Variants in COL6A3 observed in about 807,000 individuals in gnomAD.
COL6A3 encodes the protein collagen alpha-3(VI) chain.
A neutral mutation model predicts 274.1 loss-of-function variants in COL6A3; 137 were observed. That is an observed-to-expected ratio of 0.50 (90% CI 0.44 to 0.58). The LOEUF is 0.58. Ranked by LOEUF, COL6A3 falls within the 20% of genes least tolerant of loss-of-function variation. COL6A3 has a pLI of 0.00. For synonymous variants in COL6A3, 1,650 were observed against 1,650.6 expected (o/e 1.00, Z 0.01); for missense variants, 3,950 against 4,124.9 (o/e 0.96, Z 1.16).
chr2:237,364,258 G>A lies in COL6A3; in HGVS notation c.5917+92C>T, dbSNP rs117702320. 9,419 of 992,032 alleles carry A rather than the reference G, an allele frequency of 9.5e-3. 170 individuals are homozygous for A. The highest frequency in any genetic ancestry group is 0.041 in the South Asian group (3,181 of 78,330). The allele number at this position is 992,032 out of a possible 1,614,324, so 61.5% of individuals were successfully genotyped here. On this transcript the variant is annotated intron_variant, in intron 13 of 43. Transcript: ENST00000295550. This position sits in a 1 kb window ranked among gnomAD's most constrained non-coding sequence, Gnocchi z 4.6. ...CAAGACAACGCTGCTCCCTTGGGGCGCTGCATTAGCAGAGAGGTTTCTCTC... is the reference window on the plus strand; with the variant it reads ...CAAGACAACGCTGCTCCCTTGGGGCACTGCATTAGCAGAGAGGTTTCTCTC...
At chr2:237,389,225 G>A (rs544668465) in intron 3 of COL6A3, among the ~76,000 whole-genome samples, 2 of 152,124 alleles carry the variant, frequency 1.3e-5, no homozygotes, top group Admixed American at 6.6e-5. Context: ...AATAGGGATC[G>A]AGAAATCTAA....
chr2:237,330,417 G>T (rs1430571658), intron 42 of COL6A3, among the ~76,000 whole-genome samples: 1 of 152,208 alleles, frequency 6.6e-6, no homozygotes, highest in South Asian at 2.1e-4. Flanking sequence ...CAGAAAAGTG[G>T]CTGGAGCATA....
At chr2:237,340,340 T>G in intron 38 of COL6A3, 112 bp downstream of exon 38, 1 of 1,025,682 alleles carries the variant, frequency 9.7e-7, no homozygotes, top group Non-Finnish European at 1.5e-6. Flanking sequence ...GTTCAATGAA[T>G]GAAACAGTTC....
chr2:237,367,102 G>C lies in COL6A3; in HGVS notation c.5085C>G (p.Asp1695Glu), dbSNP rs886044181. 2.5e-6 allele frequency: 4 copies of C among 1,614,114 alleles called. No homozygotes were observed. The highest frequency in any genetic ancestry group is 1.3e-5 in the African/African-American group (1 of 74,954). The change falls in exon 11 of 44, where the codon GAC becomes GAG. Residue 1695 changes from aspartate to glutamate, a missense_variant. Coordinates refer to ENST00000295550, the MANE Select transcript of COL6A3 (RefSeq NM_004369.4). The stretch of plus-strand genomic sequence containing the variant: ...CAATAATCTGCCTCTTGGTAGAGAA[G>C]TCCTTCAGGAAGAATTCGTCAGTGG... Reference protein sequence around the residue: ...SDPTDEFFLKDFSTKRQIIDA... With the variant: ...SDPTDEFFLKEFSTKRQIIDA...
Position 237,333,430 on chromosome 2 carries a change from C to T in COL6A3, c.9328+20G>A, listed in dbSNP as rs1365144212. On this transcript the variant is annotated intron_variant, in intron 42 of 43. Coordinates refer to ENST00000295550, the MANE Select transcript of COL6A3 (RefSeq NM_004369.4). ...TATTTTCTTAGTGCCATTAATGGAC[C>T]TAATAGTTTCACAACTCACCTGTTT... 3.1e-6 allele frequency: 5 copies of T among 1,605,806 alleles called. No individual in the cohort carries two copies. The East Asian group carries it at 6.7e-5, about 21-fold the overall frequency.
At chr2:237,334,027 A>G (rs544531927) in intron 41 of COL6A3, among the ~76,000 whole-genome samples, 218 of 152,324 alleles carry the variant, frequency 1.4e-3, no homozygotes, top group Admixed American at 3.6e-3. Context: ...ATTTAGAAAG[A>G]TGAGAGAGGG....
At chr2:237,373,734 G>A (rs2077756645) in intron 8 of COL6A3, among the ~76,000 whole-genome samples, 1 of 152,168 alleles carries the variant, frequency 6.6e-6, no homozygotes, top group Admixed American at 6.5e-5. Context: ...CGGGAGAGTG[G>A]CCCTTGGAGG....
intron 4 of COL6A3, 55 bp from the exon 5 acceptor site, chr2:237,381,554 C>A (rs1357018139): frequency 9.4e-6 from 13 of 1,390,108 alleles, no homozygotes; most frequent in Non-Finnish European, 1.2e-5. Flanking sequence ...GCACAATCAA[C>A]AATGACTTTC....
At chr2:237,391,405 C>T (rs1195234562) in intron 3 of COL6A3, among the ~76,000 whole-genome samples, 2 of 152,144 alleles carry the variant, frequency 1.3e-5, no homozygotes, top group Non-Finnish European at 2.9e-5. Flanking sequence ...ATTGTTTGTC[C>T]ATTACATAAT....
In COL6A3 at chr2:237,384,905, C is replaced by T. The variant is rs116516981; in HGVS notation, c.1312+2677G>A. ...TCCAGGGAGTCTGAACCTCAGGCTC[C>T]CTGTCCAGTGTGCTCCAGCTACACT... On this transcript the variant is annotated intron_variant, in intron 4 of 43. Coordinates refer to ENST00000295550, the MANE Select transcript of COL6A3 (RefSeq NM_004369.4). Among the ~76,000 whole-genome samples, 1,124 of 152,228 alleles carry T rather than the reference C, an allele frequency of 7.4e-3. 21 individuals carry two copies. The highest frequency in any genetic ancestry group is 0.025 in the African/African-American group (1,045 of 41,544).
rs543011419 is a variant in COL6A3, at chr2:237,371,271, G to A, written c.4285+461C>T. 6.6e-6 allele frequency among the ~76,000 whole-genome samples: 1 copy of A among 152,158 alleles called. No homozygotes were observed. Among genetic ancestry groups the A allele is most frequent in the Non-Finnish European group, 1.5e-5 (1 of 68,022 alleles). On this transcript the variant is annotated intron_variant, in intron 9 of 43. Coordinates refer to ENST00000295550, the MANE Select transcript of COL6A3 (RefSeq NM_004369.4). This position sits in a 1 kb window ranked among gnomAD's most constrained non-coding sequence, Gnocchi z 4.3. ...AGACCCAACTTGTTCAGTCGCAGGT[G>A]TGTCCTGGTGGGGTCTGGCTGGTGG...
At chr2:237,378,598 G>A (rs1427352248) in intron 6 of COL6A3, 38 bp downstream of exon 6, 2 of 1,612,096 alleles carry the variant, frequency 1.2e-6, no homozygotes, top group African/African-American at 1.3e-5. Context: ...TGGTGTCTGA[G>A]GAAGGAGAGG....
intron 4 of COL6A3, among the ~76,000 whole-genome samples, chr2:237,381,822 A>C (rs568679487): frequency 1.3e-5 from 2 of 152,312 alleles, no homozygotes; most frequent in South Asian, 4.1e-4. Flanking sequence ...TTCTGCCGTA[A>C]ATACACAACT....
At position 237,377,211 on chromosome 2, in the gene COL6A3, C is replaced by T; in HGVS notation, c.2631G>A (p.Val877=). Reference sequence around the variant, plus strand: ...CCTTGACATCATCGCTGTACTGAGCCACCGCAATTCGGGTCCCCTCTGGCT... The same window carrying T: ...CCTTGACATCATCGCTGTACTGAGCTACCGCAATTCGGGTCCCCTCTGGCT... ...NVKPEGTRIA[V]AQYSDDVKVE... The change falls in exon 7 of 44, where the codon GTG becomes GTA. Residue 877 remains valine (V), a synonymous_variant. Coordinates refer to ENST00000295550, the MANE Select transcript of COL6A3 (RefSeq NM_004369.4). The T allele has an allele frequency of 6.2e-7, 1 of 1,613,814 alleles. No homozygotes were observed. Among genetic ancestry groups the T allele is most frequent in the Non-Finnish European group, 8.5e-7 (1 of 1,180,030 alleles).
At chr2:237,396,692 C>T (rs1199475619) in intron 2 of COL6A3, 35 bp downstream of exon 2, 1 of 1,597,768 alleles carries the variant, frequency 6.3e-7, no homozygotes, top group Non-Finnish European at 8.6e-7. Flanking sequence ...AATGATATTC[C>T]TTTTTACAAA....
At position 237,388,157 on chromosome 2, in the gene COL6A3, A is replaced by C. The variant is rs1406584813; in HGVS notation, c.737T>G (p.Leu246Arg). The C allele has an allele frequency of 6.2e-7, 1 of 1,614,054 alleles. No individual in the cohort carries two copies. Among genetic ancestry groups the C allele is most frequent in the Non-Finnish European group, 8.5e-7 (1 of 1,180,052 alleles). The change falls in exon 4 of 44, where the codon CTT becomes CGT. Residue 246 changes from leucine (L) to arginine (R), a missense_variant. Leu to Arg is a moderately radical substitution (Grantham distance 102, BLOSUM62 -2). This residue lies in a region of COL6A3 where 1,934 missense variants were observed against 1,984.3 expected (regional missense o/e 0.97). Transcript: ENST00000295550. ...TCCGGTGTTGTTTGATCCATCAATA[A>C]GGAAAATAATGTCAGCAGAGTCTTG... ...TAQDSADIIF[L>R]IDGSNNTGSV...
chr2:237,370,033 T>G (rs1180454591), intron 9 of COL6A3, among the ~76,000 whole-genome samples: 2 of 151,704 alleles, frequency 1.3e-5, no homozygotes, highest in Non-Finnish European at 2.9e-5. Context: ...AAAATTTTTT[T>G]TTTTAATTTT....
chr2:237,377,420 A>G, intron 6 of COL6A3, 76 bp from the exon 7 acceptor site: 2 of 1,433,262 alleles, frequency 1.4e-6, no homozygotes, highest in Non-Finnish European at 9.7e-7. Context: ...GCCCAGCACC[A>G]TTTGACAACA....
At chr2:237,404,228 A>G (rs1283964200) in intron 1 of COL6A3, among the ~76,000 whole-genome samples, 2 of 152,110 alleles carry the variant, frequency 1.3e-5, no homozygotes, top group African/African-American at 2.4e-5. Context: ...AACAGATTCA[A>G]AGAGTCTATG....
Sources: allele counts gnomAD v4.1 joint callset (sites outside exome capture counted in the v4.1 genomes callset), GRCh38; gene constraint gnomAD v4.1.1; regional missense constraint gnomAD v4.1.1; non-coding constraint Gnocchi (gnomAD v3.1); transcripts MANE v1.5; gene names NCBI Gene and HGNC (gene_info 2026-07-23, HGNC 2026-07-21).